Variants in SNTG1 observed in about 807,000 individuals in gnomAD.
SNTG1 encodes the protein syntrophin gamma 1, also known as gamma-1-syntrophin.
Under a neutral mutation model 74.7 loss-of-function variants are expected in SNTG1, and 39 were observed. The observed-to-expected ratio is 0.52, with a 90% CI of 0.40 to 0.68. SNTG1 has a LOEUF of 0.68. Ranked by LOEUF, SNTG1 falls within the 30% of genes least tolerant of loss-of-function variation. The pLI is 0.00. For missense variants in SNTG1, 685 were observed against 609.5 expected (o/e 1.12, Z -1.30); for synonymous variants, 254 against 217.1 (o/e 1.17, Z -1.49).
At chr8:50,467,169 TTA>T (rs1162465839) in intron 8 of SNTG1, among the ~76,000 whole-genome samples, 1 of 151,976 alleles carries the variant, frequency 6.6e-6, no homozygotes, top group African/African-American at 2.4e-5. Flanking sequence ...GTTAGGTTAA[TTA>T]TGTTATCACA....
chr8:50,286,601 G>A (rs562837967), intron 2 of SNTG1: 41 of 152,296 alleles, frequency 2.7e-4, no homozygotes, highest in African/African-American at 9.9e-4. Context: ...GAAGAATGAA[G>A]ACCTAAGCTG....
At position 50,371,721 on chromosome 8, in the gene SNTG1, G is replaced by A. The variant is rs576276580; in HGVS notation, c.-27-22491G>A. Among the ~76,000 whole-genome samples, 8 of 152,158 alleles carry A rather than the reference G, an allele frequency of 5.3e-5. No individual in the cohort carries two copies. In the East Asian group the frequency reaches 9.6e-4, roughly 18 times the overall value. Reference sequence around the variant, plus strand: ...CATATATTTGAGTGCTCTAATGTTAGCTGCCTATATATTTATAATTATTAC... The same window carrying A: ...CATATATTTGAGTGCTCTAATGTTAACTGCCTATATATTTATAATTATTAC... On this transcript the variant is annotated intron_variant, in intron 2 of 18. Transcript: ENST00000642720.
intron 13 of SNTG1, among the ~76,000 whole-genome samples, chr8:50,597,331 A>G (rs757792442): frequency 3.4e-4 from 49 of 144,722 alleles, no homozygotes; most frequent in East Asian, 1.0e-3. Context: ...ATATATACAC[A>G]TATATATACA....
chr8:50,696,971 T>C (rs945533486), intron 15 of SNTG1, among the ~76,000 whole-genome samples: 18 of 152,250 alleles, frequency 1.2e-4, no homozygotes, highest in African/African-American at 3.8e-4. Flanking sequence ...TATTTTCTAA[T>C]CTGTGAAATA....
At chr8:50,316,454 C>T (rs183870174) in intron 2 of SNTG1, among the ~76,000 whole-genome samples, 9 of 152,088 alleles carry the variant, frequency 5.9e-5, no homozygotes, top group Non-Finnish European at 1.0e-4. Flanking sequence ...TATGACAAAA[C>T]CTAATTAAGA....
intron 11 of SNTG1, among the ~76,000 whole-genome samples, chr8:50,538,593 C>G (rs73585155): frequency 0.046 from 7,005 of 152,090 alleles, 567 homozygotes; most frequent in African/African-American, 0.16. Flanking sequence ...TGTCTGCTTT[C>G]AAGACTTTTT....
At chr8:50,699,408 A>G (rs1585574628) in intron 15 of SNTG1, among the ~76,000 whole-genome samples, 1 of 152,134 alleles carries the variant, frequency 6.6e-6, no homozygotes, top group African/African-American at 2.4e-5. Context: ...GGGTCCCAAT[A>G]TTTGATTTTG....
chr8:50,118,308 T>A (rs1402132855), intron 1 of SNTG1, among the ~76,000 whole-genome samples: 7 of 151,772 alleles, frequency 4.6e-5, no homozygotes, highest in African/African-American at 7.2e-5. Context: ...CTTCAGGTTT[T>A]AAAAAAAAAT....
chr8:49,931,559 G>T (rs1017828495), intron 1 of SNTG1, among the ~76,000 whole-genome samples: 8 of 152,084 alleles, frequency 5.3e-5, no homozygotes, highest in Admixed American at 3.9e-4. Flanking sequence ...TAAAATAAAA[G>T]TTGAAATATT....
intron 2 of SNTG1, among the ~76,000 whole-genome samples, chr8:50,201,971 A>AT (rs1378953825): frequency 1.3e-5 from 2 of 152,068 alleles, no homozygotes; most frequent in Non-Finnish European, 2.9e-5. Flanking sequence ...CAATATGAGG[A>AT]TTTTTAACCC....
chr8:50,277,216 A>G (rs766186780), intron 2 of SNTG1, among the ~76,000 whole-genome samples: 3 of 145,196 alleles, frequency 2.1e-5, no homozygotes, highest in Non-Finnish European at 4.5e-5. Context: ...ACAGTGAGCT[A>G]TGATTGCACC....
At chr8:50,378,960 G>C (rs1206396507) in intron 2 of SNTG1, among the ~76,000 whole-genome samples, 1 of 152,070 alleles carries the variant, frequency 6.6e-6, no homozygotes, top group African/African-American at 2.4e-5. Context: ...CCAGCCTTCA[G>C]GCCCTCCCTG....
intron 2 of SNTG1, among the ~76,000 whole-genome samples, chr8:50,349,516 AC>A (rs2091582110): frequency 6.6e-6 from 1 of 151,908 alleles, no homozygotes; most frequent in Non-Finnish European, 1.5e-5. Context: ...TTGAAACCAG[AC>A]CTGTTTGGCA....
chr8:50,583,312 G>A (rs1374865813), intron 12 of SNTG1, among the ~76,000 whole-genome samples: 12 of 146,026 alleles, frequency 8.2e-5, no homozygotes. Context: ...TGAGGTGGGA[G>A]AATTGCTTAA....
At chr8:50,205,111 T>C (rs562205435) in intron 2 of SNTG1, among the ~76,000 whole-genome samples, 6 of 152,146 alleles carry the variant, frequency 3.9e-5, no homozygotes, top group African/African-American at 1.4e-4. Flanking sequence ...GGTCAAATGG[T>C]ATTTCTAGTT....
At chr8:50,206,127 G>C (rs534325621) in intron 2 of SNTG1, among the ~76,000 whole-genome samples, 1 of 152,216 alleles carries the variant, frequency 6.6e-6, no homozygotes, top group Non-Finnish European at 1.5e-5. Flanking sequence ...AGCTTGATTG[G>C]GATGGCATTG....
At chr8:50,599,820 C>G (rs1252152650) in intron 13 of SNTG1, among the ~76,000 whole-genome samples, 1 of 152,060 alleles carries the variant, frequency 6.6e-6, no homozygotes. Flanking sequence ...TTTGATTGCT[C>G]TAGCTAGGAC....
At chr8:50,769,715 G>A (rs891158201) in intron 18 of SNTG1, among the ~76,000 whole-genome samples, 1 of 151,822 alleles carries the variant, frequency 6.6e-6, no homozygotes, top group Non-Finnish European at 1.5e-5. Context: ...ATGGCCATAG[G>A]TATCAAGATA....
chr8:50,028,913 C>G (rs1238133798), intron 1 of SNTG1, among the ~76,000 whole-genome samples: 1 of 152,048 alleles, frequency 6.6e-6, no homozygotes, highest in Non-Finnish European at 1.5e-5. Flanking sequence ...TATTTTCCAT[C>G]TGTATATTCT....
Sources: allele counts gnomAD v4.1 joint callset (sites outside exome capture counted in the v4.1 genomes callset), GRCh38; gene constraint gnomAD v4.1.1; transcripts MANE v1.5; gene names NCBI Gene and HGNC (gene_info 2026-07-23, HGNC 2026-07-21).